The following CROCC2 variants were observed in gnomAD, a reference collection of about 807,000 sequenced individuals.
CROCC2 encodes the protein ciliary rootlet coiled-coil protein 2.
CROCC2 carries 163 observed loss-of-function variants against 177.6 expected under a neutral mutation model. The ratio of observed to expected loss-of-function variants is 0.92; its 90% confidence interval spans 0.81 to 1.05. CROCC2 has a LOEUF of 1.05. Ranked by LOEUF, CROCC2 falls within the 50% of genes least tolerant of loss-of-function variation. The pLI, the probability that CROCC2 is intolerant of heterozygous loss-of-function variation, is 0.00. For synonymous variants in CROCC2, 904 were observed against 787.3 expected, an observed-to-expected ratio of 1.15 and a Z score of -2.48; for missense variants, 1,929 against 1,797.8, an observed-to-expected ratio of 1.07 and a Z score of -1.32.
intron 14 of CROCC2, among the ~76,000 whole-genome samples, chr2:240,940,808 A>G (rs2059491084): frequency 6.6e-6 from 1 of 152,142 alleles, no homozygotes; most frequent in African/African-American, 2.4e-5. Context: ...GCCCACTCTT[A>G]CCACTTCTAT....
intron 28 of CROCC2, chr2:240,983,356 T>C (rs1320057842): frequency 7.7e-7 from 1 of 1,293,064 alleles, no homozygotes; most frequent in South Asian, 1.3e-5. Flanking sequence ...CAGCCTTAGA[T>C]GGAACGACCC....
At position 240,933,276 on chromosome 2, in the gene CROCC2, G is replaced by T. The variant is rs1408470520; in HGVS notation, c.1397G>T (p.Arg466Leu). ...CAGGCACGGGAACGAGAGGCTCTTC[G>T]GGGCCAGCTGGAGGCCCAGAGGCTC... ...REQAREREAL[R>L]GQLEAQRLEV... The change falls in exon 10 of 32, where the codon CGG (arginine) becomes CTG (leucine). Residue 466 changes from arginine (R) to leucine (L), a missense_variant. Physicochemically the swap from Arg to Leu is moderately radical, Grantham distance 102 (BLOSUM62 -2). Transcript: ENST00000690015. 6.5e-7 allele frequency: 1 copy of T among 1,546,780 alleles called. No homozygotes were observed. The highest frequency in any genetic ancestry group is 1.4e-5 in the African/African-American group (1 of 73,096).
chr2:240,925,736 C>G lies in CROCC2; in HGVS notation c.501C>G (p.Leu167=). 1 of 716,298 alleles carries G rather than the reference C, an allele frequency of 1.4e-6. No individual in the cohort carries two copies. Among genetic ancestry groups the G allele is most frequent in the Non-Finnish European group, 2.6e-6 (1 of 384,540 alleles). 44.4% of individuals were successfully genotyped at this position (716,298 alleles called of 1,614,324 possible). Residue 167 remains leucine, a synonymous_variant, in exon 5 of 32, where the codon CTC becomes CTG. Transcript: ENST00000690015. ...GTTCTCTGTCCAGGAGCACCGGCCT[C>G]TGTCAGGTGAACGCGCTCCTGCGGG... ...LEAAEERSTG[L]CQVNALLREQ...
In CROCC2 at chr2:240,925,765, A is replaced by G; in HGVS notation, c.530A>G (p.Gln177Arg). 1.4e-6 allele frequency: 1 copy of G among 717,062 alleles called. No individual in the cohort carries two copies. Among genetic ancestry groups the G allele is most frequent in the Non-Finnish European group, 2.6e-6 (1 of 384,932 alleles). The allele number at this position is 717,062 out of a possible 1,614,324, so 44.4% of individuals were successfully genotyped here. A position where few individuals can be genotyped will look rare whatever the true frequency, so the allele number is the denominator to read the frequency against. ...CAGGTGAACGCGCTCCTGCGGGAGC[A>G]GCTGGAACATATGAAGAAGGCCAAT... Reference protein sequence around the residue: ...LCQVNALLREQLEHMKKANDA... With the variant: ...LCQVNALLRERLEHMKKANDA... Residue 177 changes from glutamine (Q) to arginine (R), a missense_variant, in exon 5 of 32, where the codon CAG (glutamine) becomes CGG (arginine). Physicochemically the swap from Gln to Arg is conservative, Grantham distance 43. Coordinates refer to ENST00000690015, the MANE Select transcript of CROCC2 (RefSeq NM_001351305.2).
intron 24 of CROCC2, 30 bp downstream of exon 24, chr2:240,966,023 C>A (rs1261150979): frequency 7.5e-7 from 1 of 1,326,942 alleles, no homozygotes; most frequent in Non-Finnish European, 9.6e-7. Flanking sequence ...GCAGGCGGGC[C>A]CCTCTCCCAG....
At chr2:240,938,612 C>T (rs753048092) in intron 14 of CROCC2, among the ~76,000 whole-genome samples, 2 of 152,136 alleles carry the variant, frequency 1.3e-5, no homozygotes, top group African/African-American at 4.8e-5. Context: ...GCAAAATAGC[C>T]TACTAGGAGT....
At chr2:240,955,629 C>G (rs1011781843) in intron 18 of CROCC2, 1 of 513,046 alleles carries the variant, frequency 1.9e-6, no homozygotes, top group South Asian at 3.0e-5. Flanking sequence ...GGGACGATGT[C>G]GGACAGAGGG....
intron 20 of CROCC2, chr2:240,963,185 G>A: frequency 4.2e-6 from 1 of 238,174 alleles, no homozygotes; most frequent in Non-Finnish European, 8.2e-6. Context: ...AGACGCCGGG[G>A]GCAGGAGGTG....
chr2:240,911,535 C>CAT, intron 1 of CROCC2, among the ~76,000 whole-genome samples: 1 of 151,840 alleles, frequency 6.6e-6, no homozygotes, highest in East Asian at 1.9e-4. Flanking sequence ...TGACCTCAAG[C>CAT]GATGTGCGCG....
chr2:240,974,854 T>C (rs1209005218), intron 27 of CROCC2, among the ~76,000 whole-genome samples: 1 of 152,194 alleles, frequency 6.6e-6, no homozygotes, highest in Non-Finnish European at 1.5e-5. Flanking sequence ...TTTCTAGAAG[T>C]TTCCATTTTT....
At chr2:240,969,516 A>G (rs1289035985) in intron 27 of CROCC2, among the ~76,000 whole-genome samples, 1 of 152,198 alleles carries the variant, frequency 6.6e-6, no homozygotes, top group African/African-American at 2.4e-5. Context: ...GTAAGACTAG[A>G]GACGTCTGTG....
intron 19 of CROCC2, chr2:240,957,919 C>G: frequency 1.0e-6 from 1 of 962,006 alleles, no homozygotes; most frequent in Non-Finnish European, 1.2e-6. Flanking sequence ...CCCAGGAAAG[C>G]CCTCCTGGGG....
chr2:240,968,496 C>T (rs1361736386), intron 27 of CROCC2, among the ~76,000 whole-genome samples: 1 of 152,208 alleles, frequency 6.6e-6, no homozygotes, highest in East Asian at 1.9e-4. Flanking sequence ...CTTAGCAGAG[C>T]TGTCCTTACG....
intron 14 of CROCC2, 41 bp downstream of exon 14, chr2:240,935,629 C>T (rs544511080): frequency 1.8e-5 from 24 of 1,349,970 alleles, no homozygotes; most frequent in South Asian, 1.2e-4. Flanking sequence ...GTCTGGGATG[C>T]GGCTGGGTGG....
chr2:240,956,090 G>A, intron 19 of CROCC2, 118 bp downstream of exon 19: 1 of 745,878 alleles, frequency 1.3e-6, no homozygotes, highest in Non-Finnish European at 2.2e-6. Context: ...CCCTTCCTGA[G>A]CCTCAGTTTC....
At chr2:240,936,653 T>C (rs2059473042) in intron 14 of CROCC2, among the ~76,000 whole-genome samples, 1 of 152,208 alleles carries the variant, frequency 6.6e-6, no homozygotes, top group Admixed American at 6.5e-5. Context: ...TACAAGGTCC[T>C]TCCTTGACCC....
At position 240,967,374 on chromosome 2, in the gene CROCC2, G is replaced by T; in HGVS notation, c.4176G>T (p.Leu1392=). The change falls in exon 26 of 32, where the codon CTG becomes CTT. Residue 1392 remains leucine (L), a synonymous_variant. Transcript: ENST00000690015. The stretch of plus-strand genomic sequence containing the variant: ...ACTCCCGCATCCAGATGGCGACCCT[G>T]AGCAGCCGGCTGAGCGAGGCAGAGT... ...RDDSRIQMAT[L]SSRLSEAECR... 1 of 789,848 alleles carries T rather than the reference G, an allele frequency of 1.3e-6. No homozygotes were observed. Among genetic ancestry groups the T allele is most frequent in the Non-Finnish European group, 2.2e-6 (1 of 453,252 alleles). 48.9% of individuals were successfully genotyped at this position (789,848 alleles called of 1,614,324 possible).
intron 4 of CROCC2, among the ~76,000 whole-genome samples, chr2:240,925,500 G>C (rs2059390430): frequency 6.6e-6 from 1 of 152,228 alleles, no homozygotes; most frequent in South Asian, 2.1e-4. Flanking sequence ...GGAGGGCACT[G>C]GGCTGGCACC....
At chr2:240,914,673 G>C (rs931424522) in intron 1 of CROCC2, among the ~76,000 whole-genome samples, 1 of 152,226 alleles carries the variant, frequency 6.6e-6, no homozygotes, top group Admixed American at 6.5e-5. Context: ...CCCTCAATGA[G>C]GGTGACCCAG....
Sources: gnomAD v4.1 joint callset for allele counts (sites outside exome capture counted in the v4.1 genomes callset) on GRCh38, gnomAD v4.1.1 for gene constraint, MANE v1.5 for transcripts, NCBI Gene and HGNC (gene_info 2026-07-23, HGNC 2026-07-21) for gene names.